Variants in CERS5 observed in about 807,000 individuals in gnomAD.
CERS5 encodes the protein LAG1 homolog, ceramide synthase 5.
Under a neutral mutation model 58.9 loss-of-function variants are expected in CERS5, and 37 were observed. The ratio of observed to expected loss-of-function variants is 0.63; its 90% CI spans 0.48 to 0.83. CERS5 has a LOEUF of 0.83. Ranked by LOEUF, CERS5 falls within the 40% of genes least tolerant of loss-of-function variation. The pLI, the probability that CERS5 is intolerant of heterozygous loss-of-function variation, is 0.00. For synonymous variants in CERS5, 147 were observed against 177.8 expected (o/e 0.83, Z 1.38); for missense variants, 398 against 489.3 (o/e 0.81, Z 1.76).
rs566880265 is a variant in CERS5 at position 50,164,886 on chromosome 12, T to C, written c.197+2215A>G. On this transcript the variant is annotated intron_variant, in intron 1 of 9. Transcript: ENST00000317551. ...CCACTAACATGGGGAAATTTCCATA[T>C]TGGCACATATTTATATGAAAAGCAG... The C allele has an allele frequency of 2.6e-5, 4 of 152,330 alleles. No homozygotes were observed. In the South Asian group the frequency reaches 8.3e-4, roughly 32 times the overall value. 9.4% of individuals were successfully genotyped at this position (152,330 alleles called of 1,614,324 possible).
intron 9 of CERS5, chr12:50,133,010 A>C: frequency 3.9e-6 from 5 of 1,289,144 alleles, no homozygotes; most frequent in Non-Finnish European, 5.1e-6. Flanking sequence ...GAAAAAAGGA[A>C]GGAGGTGAGG....
At chr12:50,132,583 G>C (rs1951387989) in intron 9 of CERS5, among the ~76,000 whole-genome samples, 1 of 152,162 alleles carries the variant, frequency 6.6e-6, no homozygotes, top group African/African-American at 2.4e-5. Context: ...TGTTGCCAAG[G>C]AGGTGGGCAT....
chr12:50,135,146 A>AGGAG (rs1565768448), intron 8 of CERS5, among the ~76,000 whole-genome samples: 1 of 38,310 alleles, frequency 2.6e-5, no homozygotes, highest in Non-Finnish European at 4.9e-5. Context: ...GGAGAGAGAG[A>AGGAG]GGAGGGAGGG....
intron 1 of CERS5, among the ~76,000 whole-genome samples, chr12:50,159,682 C>CTCACA (rs1371397574): frequency 6.6e-6 from 1 of 152,052 alleles, no homozygotes; most frequent in African/African-American, 2.4e-5. Context: ...CAACCTCCAC[C>CTCACA]TCACAGGTTC....
In CERS5 at chr12:50,137,838, G is replaced by T. The variant is rs752862863; in HGVS notation, c.544-18C>A. 6.6e-7 allele frequency: 1 copy of T among 1,519,032 alleles called. No individual in the cohort carries two copies. Among genetic ancestry groups the T allele is most frequent in the Non-Finnish European group, 9.1e-7 (1 of 1,095,678 alleles). The allele number at this position is 1,519,032 out of a possible 1,614,324, so 94.1% of individuals were successfully genotyped here. The stretch of plus-strand genomic sequence containing the variant: ...GAAAGAGGCTGGAAGAGAGAAAGAA[G>T]TAGTTAGATTACCGGCTAGTCAAAG... On this transcript the variant is annotated intron_variant, in intron 5 of 9. Coordinates refer to ENST00000317551, the MANE Select transcript of CERS5 (RefSeq NM_147190.5).
chr12:50,133,024 G>T, intron 9 of CERS5: 1 of 1,289,202 alleles, frequency 7.8e-7, no homozygotes, highest in Non-Finnish European at 1.0e-6. Flanking sequence ...GGTGAGGAAA[G>T]AGTGGAGAGT....
In CERS5 at chr12:50,167,328, C is replaced by A; in HGVS notation, c.-31G>T. 6.8e-7 allele frequency: 1 copy of A among 1,469,682 alleles called. No homozygotes were observed. Among genetic ancestry groups the A allele is most frequent in the South Asian group, 1.4e-5 (1 of 72,818 alleles). 91.0% of individuals were successfully genotyped at this position (1,469,682 alleles called of 1,614,324 possible). ...GCCCACCCCGAAGCCACCGCCGCCA[C>A]AAGCGTCAGCTGCCGCCACAGCCAA... On this transcript the variant is annotated 5_prime_UTR_variant, in exon 1 of 10. Transcript: ENST00000317551.
chr12:50,161,831 ATAAC>A (rs1049857811), intron 1 of CERS5, among the ~76,000 whole-genome samples: 3 of 149,682 alleles, frequency 2.0e-5, no homozygotes, highest in African/African-American at 7.3e-5. Flanking sequence ...ATAATGTTAA[ATAAC>A]TAAGAACAGG....
chr12:50,133,026 G>A (rs2137996028), intron 9 of CERS5: 7 of 1,289,178 alleles, frequency 5.4e-6, no homozygotes, highest in Non-Finnish European at 7.1e-6. Flanking sequence ...TGAGGAAAGA[G>A]TGGAGAGTAC....
In CERS5 at chr12:50,155,818, G is replaced by A. The variant is rs138383454; in HGVS notation, c.197+11283C>T. Reference sequence around the variant, plus strand: ...GTCTCTACAAAAAATATAACAATTAGTGGCCGGGCATGGTGGCTCACGCCT... The same window carrying A: ...GTCTCTACAAAAAATATAACAATTAATGGCCGGGCATGGTGGCTCACGCCT... On this transcript the variant is annotated intron_variant, in intron 1 of 9. Transcript: ENST00000317551. Among the ~76,000 whole-genome samples the A allele has an allele frequency of 5.5e-3, 771 of 140,056 alleles. 9 individuals carry two copies. Among genetic ancestry groups the A allele is most frequent in the African/African-American group, 0.018 (709 of 38,566 alleles). The allele number at this position is 140,056 out of a possible 152,430, so 91.9% of individuals were successfully genotyped here.
intron 3 of CERS5, 92 bp from the exon 4 acceptor site, chr12:50,142,202 G>T: frequency 2.5e-6 from 2 of 799,738 alleles, no homozygotes; most frequent in South Asian, 1.6e-5. Context: ...TTGGGGATAA[G>T]AGTTACTGGT....
intron 1 of CERS5, among the ~76,000 whole-genome samples, chr12:50,156,463 G>C (rs919337712): frequency 1.1e-4 from 12 of 110,652 alleles, no homozygotes; most frequent in Non-Finnish European, 1.9e-4. Flanking sequence ...CAGGTGTGGT[G>C]GCATGCACCT....
At chr12:50,146,655 C>G (rs967401728) in intron 1 of CERS5, among the ~76,000 whole-genome samples, 1 of 151,846 alleles carries the variant, frequency 6.6e-6, no homozygotes, top group Non-Finnish European at 1.5e-5. Flanking sequence ...GTCAGGAGAT[C>G]GAGACCACGG....
At chr12:50,162,020 G>A (rs1037224528) in intron 1 of CERS5, among the ~76,000 whole-genome samples, 10 of 150,344 alleles carry the variant, frequency 6.7e-5, no homozygotes, top group African/African-American at 1.2e-4. Flanking sequence ...GACTTAAGGC[G>A]CATGCCACCA....
At chr12:50,142,010 A>C (rs1210488392) in intron 4 of CERS5, 43 bp downstream of exon 4, 1 of 1,182,408 alleles carries the variant, frequency 8.5e-7, no homozygotes, top group African/African-American at 1.5e-5. Flanking sequence ...AGATCTAGGC[A>C]TGATTAGAAC....
chr12:50,154,292 GC>G, intron 1 of CERS5: 1 of 327,036 alleles, frequency 3.1e-6, no homozygotes, highest in Non-Finnish European at 6.3e-6. Context: ...GTCGAAGGTT[GC>G]AGTGAGATCG....
At chr12:50,150,516 G>T (rs899377177) in intron 1 of CERS5, among the ~76,000 whole-genome samples, 12 of 152,128 alleles carry the variant, frequency 7.9e-5, no homozygotes, top group East Asian at 1.9e-4. Flanking sequence ...TATATATATA[G>T]AGAGAAAGAA....
chr12:50,163,225 G>C (rs1939502030), intron 1 of CERS5, among the ~76,000 whole-genome samples: 1 of 151,314 alleles, frequency 6.6e-6, no homozygotes, highest in Admixed American at 6.6e-5. Flanking sequence ...TTGAGATGGA[G>C]TGTCGCTCTG....
Position 50,167,171 on chromosome 12 carries a change from G to T in CERS5, c.127C>A (p.Arg43Ser). The T allele has an allele frequency of 6.2e-7, 1 of 1,601,106 alleles. No individual in the cohort carries two copies. The highest frequency in any genetic ancestry group is 1.4e-5 in the African/African-American group (1 of 73,650). ...AACACCGAGAGGATGTGCCGGCCGC[G>T]GGGGTAACCGTAGCCGTCGGCCGGC... ...EGPADGYGYP[R>S]GRHILSVFPL... The change falls in exon 1 of 10, where the codon CGC becomes AGC. Residue 43 changes from arginine (R) to serine (S), a missense_variant. This residue lies in a region of CERS5 where 328 missense variants were observed against 384.5 expected (regional missense o/e 0.85). Transcript: ENST00000317551.
Sources: allele counts gnomAD v4.1 joint callset (sites outside exome capture counted in the v4.1 genomes callset), GRCh38; gene constraint gnomAD v4.1.1; regional missense constraint gnomAD v4.1.1; transcripts MANE v1.5; gene names NCBI Gene and HGNC (gene_info 2026-07-23, HGNC 2026-07-21).